The following COMMD7 variants were observed in gnomAD, a reference collection of about 807,000 sequenced individuals.
COMMD7 encodes COMM domain containing 7.
Under a neutral mutation model 34.8 loss-of-function variants are expected in COMMD7, and 28 were observed. That is an observed-to-expected ratio of 0.80 (90% CI 0.60 to 1.10). COMMD7 has a LOEUF of 1.10. COMMD7 is among the 50% of genes least tolerant of loss of function. The pLI, the probability that COMMD7 is intolerant of heterozygous loss-of-function variation, is 0.00. For missense variants in COMMD7, 211 were observed against 241.6 expected (o/e 0.87, Z 0.84); for synonymous variants, 80 against 86.4 (o/e 0.93, Z 0.41).
intron 3 of COMMD7, among the ~76,000 whole-genome samples, chr20:32,725,353 T>C (rs1362108134): frequency 6.6e-6 from 1 of 152,044 alleles, no homozygotes; most frequent in Non-Finnish European, 1.5e-5. Flanking sequence ...ATATTGTGAT[T>C]ATCTCTAGGG....
At chr20:32,707,287 A>AT (rs1400475730) in intron 3 of COMMD7, among the ~76,000 whole-genome samples, 16 of 102,150 alleles carry the variant, frequency 1.6e-4, no homozygotes, top group Non-Finnish European at 3.7e-4. Context: ...CCGTCTCAAA[A>AT]AAAAAAAATA....
At position 32,702,864 on chromosome 20, in the gene COMMD7, A is replaced by T. The variant is rs1206556222; in HGVS notation, c.*518T>A. The stretch of plus-strand genomic sequence containing the variant: ...TCTCTGCAGAGAAGACCAAGCATGT[A>T]TTTACACACAGGTGCCTCATTAAGA... On this transcript the variant is annotated 3_prime_UTR_variant, in exon 9 of 9. Transcript: ENST00000278980. 1.3e-5 allele frequency: 2 copies of T among 152,704 alleles called. No homozygotes were observed. Among genetic ancestry groups the T allele is most frequent in the African/African-American group, 4.8e-5 (2 of 41,448 alleles). The allele number at this position is 152,704 out of a possible 1,614,324, so 9.5% of individuals were successfully genotyped here. A position where few individuals can be genotyped will look rare whatever the true frequency, so the allele number is the denominator to read the frequency against.
At chr20:32,704,381 A>G (rs1983928420) in intron 7 of COMMD7, 59 bp downstream of exon 7, 1 of 809,902 alleles carries the variant, frequency 1.2e-6, no homozygotes, top group East Asian at 2.7e-5. Flanking sequence ...CCCAATGTAG[A>G]TATAATTTTT....
intron 3 of COMMD7, among the ~76,000 whole-genome samples, chr20:32,717,679 CTTCAACTCCTGGCCTCAAGAGA>C (rs2145737052): frequency 1.3e-5 from 2 of 152,072 alleles, no homozygotes; most frequent in South Asian, 4.2e-4. Context: ...CCAGGCTGTT[CTTCAACTCCTGGCCTCAAGAGA>C]TTCTCCCCCT....
At chr20:32,712,750 C>CTT (rs568295381) in intron 3 of COMMD7, among the ~76,000 whole-genome samples, 3 of 102,460 alleles carry the variant, frequency 2.9e-5, no homozygotes, top group East Asian at 2.7e-4. Flanking sequence ...GACACGGAGA[C>CTT]TTTTTTTTTT....
At chr20:32,738,445 G>C (rs1249189414) in intron 1 of COMMD7, among the ~76,000 whole-genome samples, 1 of 152,078 alleles carries the variant, frequency 6.6e-6, no homozygotes, top group Admixed American at 6.6e-5. Flanking sequence ...ACATGAGCCG[G>C]GCATGGTGGT....
chr20:32,736,000 C>T (rs1224366465), intron 1 of COMMD7, among the ~76,000 whole-genome samples: 2 of 152,158 alleles, frequency 1.3e-5, no homozygotes, highest in East Asian at 3.8e-4. Flanking sequence ...GGACTGGCCA[C>T]GGGCATCAAA....
chr20:32,723,079 T>TGCACTTTAGGCA (rs1156533738), intron 3 of COMMD7, among the ~76,000 whole-genome samples: 25 of 57,246 alleles, frequency 4.4e-4, no homozygotes, highest in East Asian at 5.9e-4. Context: ...CTTGTGATCC[T>TGCACTTTAGGCA]CTCCCTCTCC....
chr20:32,711,944 G>A (rs1205209097), intron 3 of COMMD7, among the ~76,000 whole-genome samples: 2 of 151,852 alleles, frequency 1.3e-5, no homozygotes, highest in East Asian at 1.9e-4. Context: ...CAGCACTTTC[G>A]GAGGCCGAGG....
At chr20:32,719,555 C>T (rs1034148574) in intron 3 of COMMD7, among the ~76,000 whole-genome samples, 1 of 152,050 alleles carries the variant, frequency 6.6e-6, no homozygotes, top group Non-Finnish European at 1.5e-5. Context: ...GAGGCTGAGG[C>T]AGGAGAATTG....
chr20:32,731,356 C>T (rs1985827034), intron 1 of COMMD7, among the ~76,000 whole-genome samples: 1 of 152,010 alleles, frequency 6.6e-6, no homozygotes, highest in South Asian at 2.1e-4. Context: ...ATTAGTCAAG[C>T]ATGGTGGTAT....
intron 1 of COMMD7, among the ~76,000 whole-genome samples, chr20:32,732,917 C>T (rs1418306295): frequency 6.6e-6 from 1 of 151,440 alleles, no homozygotes; most frequent in Non-Finnish European, 1.5e-5. Context: ...GCCTGGGCGA[C>T]AGAGTGAGAT....
At chr20:32,742,309 C>T (rs4911252) in intron 1 of COMMD7, among the ~76,000 whole-genome samples, 87,710 of 152,024 alleles carry the variant, frequency 0.58, 27,681 homozygotes, top group East Asian at 0.92. Flanking sequence ...ACCTTCCTGT[C>T]GTTACAAGTT....
chr20:32,726,534 T>G (rs1037585655), intron 3 of COMMD7, among the ~76,000 whole-genome samples: 5 of 151,950 alleles, frequency 3.3e-5, no homozygotes, highest in Non-Finnish European at 7.4e-5. Context: ...AAACCCTGTC[T>G]CTACTAAAAA....
In COMMD7 at chr20:32,706,628, A is replaced by G. The variant is rs1218006346; in HGVS notation, c.299-8T>C. 3.7e-6 allele frequency: 6 copies of G among 1,612,174 alleles called. No homozygotes were observed. Among genetic ancestry groups the G allele is most frequent in the Non-Finnish European group, 5.1e-6 (6 of 1,178,280 alleles). On this transcript the variant is annotated splice_polypyrimidine_tract_variant and splice_region_variant and intron_variant, in intron 4 of 8. Transcript: ENST00000278980. Reference sequence around the variant, plus strand: ...CTTTCTCCTCACTAAGACCTATAAGAGAACAGAAGGAGATATTAACATAAT... The same window carrying G: ...CTTTCTCCTCACTAAGACCTATAAGGGAACAGAAGGAGATATTAACATAAT...
At chr20:32,723,045 A>AAATAAAT (rs1555806267) in intron 3 of COMMD7, among the ~76,000 whole-genome samples, 1,842 of 36,138 alleles carry the variant, frequency 0.051, 35 homozygotes, top group East Asian at 0.089. Context: ...ATAAATAAAT[A>AAATAAAT]AATAATAATA....
chr20:32,733,952 G>A (rs931152699), intron 1 of COMMD7, among the ~76,000 whole-genome samples: 1 of 151,160 alleles, frequency 6.6e-6, no homozygotes, highest in South Asian at 2.1e-4. Flanking sequence ...GCCGAGGCGC[G>A]CAGATCATGA....
intron 8 of COMMD7, chr20:32,703,681 C>T (rs28482886): frequency 7.0e-7 from 1 of 1,436,452 alleles, no homozygotes; most frequent in East Asian, 2.5e-5. Context: ...AATGGCACAG[C>T]TCCATGGCAC....
chr20:32,725,209 T>C (rs529600946), intron 3 of COMMD7, among the ~76,000 whole-genome samples: 1 of 151,960 alleles, frequency 6.6e-6, no homozygotes, highest in Non-Finnish European at 1.5e-5. Context: ...AAGAGCTCCA[T>C]GATATACCAG....
Sources: allele counts gnomAD v4.1 joint callset (sites outside exome capture counted in the v4.1 genomes callset), GRCh38; gene constraint gnomAD v4.1.1; transcripts MANE v1.5; gene names NCBI Gene and HGNC (gene_info 2026-07-23, HGNC 2026-07-21).